UTRN: variants seen among roughly 807,000 people sequenced by gnomAD.
UTRN encodes the protein utrophin, also known as dystrophin-related protein 1.
UTRN carries 283 observed loss-of-function variants against 463.9 expected under a neutral mutation model. The observed-to-expected ratio is 0.61, with a 90% confidence interval of 0.55 to 0.67. The LOEUF is 0.67. UTRN is among the 30% of genes least tolerant of loss of function. The probability of loss-of-function intolerance (pLI) is 0.00; values close to 1 mark genes in which losing one functional copy is unlikely to be tolerated. For missense variants in UTRN, 3,922 were observed against 4,084.3 expected (o/e 0.96, Z 1.08); for synonymous variants, 1,442 against 1,431.5 (o/e 1.01, Z -0.17).
In UTRN at chr6:144,789,210, A is replaced by C. The variant is rs1776552437; in HGVS notation, c.8851A>C (p.Ile2951Leu). Residue 2951 changes from isoleucine (I) to leucine (L), a missense_variant, in exon 62 of 75, where the codon ATT becomes CTT. Coordinates refer to ENST00000367545, the MANE Select transcript of UTRN (RefSeq NM_007124.3). The stretch of plus-strand genomic sequence containing the variant: ...TAATTTTAGGGGTCGAACTGGAAAA[A>C]TTAGAGTGCAGAGTCTGAAGATTGG... ...NVYDTGRTGK[I>L]RVQSLKIGLM... The C allele has an allele frequency of 1.2e-6, 2 of 1,613,338 alleles. No homozygotes were observed. Among genetic ancestry groups the C allele is most frequent in the African/African-American group, 2.7e-5 (2 of 75,024 alleles).
At chr6:144,743,427 A>G (rs1219499807) in intron 54 of UTRN, among the ~76,000 whole-genome samples, 1 of 152,224 alleles carries the variant, frequency 6.6e-6, no homozygotes, top group Non-Finnish European at 1.5e-5. Context: ...ACTCAAAGGA[A>G]GAGTTTTTTT....
intron 54 of UTRN, among the ~76,000 whole-genome samples, chr6:144,746,014 T>C (rs1790701089): frequency 6.6e-6 from 1 of 151,640 alleles, no homozygotes; most frequent in Admixed American, 6.6e-5. Context: ...CTTTTTTTTT[T>C]CCTGAGATGG....
intron 46 of UTRN, among the ~76,000 whole-genome samples, chr6:144,546,857 AAAAC>A (rs1386535511): frequency 1.3e-5 from 2 of 152,200 alleles, no homozygotes; most frequent in African/African-American, 2.4e-5. Context: ...TCTGTTTTCT[AAAAC>A]AAACAAAATC....
At chr6:144,805,919 C>G (rs1778109040) in intron 65 of UTRN, among the ~76,000 whole-genome samples, 1 of 152,024 alleles carries the variant, frequency 6.6e-6, no homozygotes, top group African/African-American at 2.4e-5. Context: ...AGAAAGGCAA[C>G]TATCAGATTG....
intron 65 of UTRN, among the ~76,000 whole-genome samples, chr6:144,813,775 G>T (rs1165306189): frequency 6.6e-6 from 1 of 152,190 alleles, no homozygotes; most frequent in African/African-American, 2.4e-5. Flanking sequence ...ATATTTAATG[G>T]AAAGCTGGCT....
rs117640595 is a variant in UTRN at position 144,763,898 on chromosome 6, G to A, written c.8495+5909G>A. Among the ~76,000 whole-genome samples, 537 of 152,168 alleles carry A rather than the reference G, an allele frequency of 3.5e-3. 2 individuals carry two copies. The highest frequency in any genetic ancestry group is 5.3e-3 in the Non-Finnish European group (357 of 67,990). ...TCTTTATTTCTCCCTTCCCTCTTTC[G>A]TGAAGATGAGGGATGGTATCTTTTT... On this transcript the variant is annotated intron_variant, in intron 58 of 74. Coordinates refer to ENST00000367545, the MANE Select transcript of UTRN (RefSeq NM_007124.3).
rs1791671001 is a variant in UTRN, at chr6:144,479,939, A to G, written c.3464A>G (p.Tyr1155Cys). 6 of 1,614,084 alleles carry G rather than the reference A, an allele frequency of 3.7e-6. No individual in the cohort carries two copies. The highest frequency in any genetic ancestry group is 1.1e-5 in the South Asian group (1 of 91,088). Residue 1155 changes from tyrosine (Y) to cysteine (C), a missense_variant, in exon 26 of 75, where the codon TAC becomes TGC. Physicochemically the swap from Tyr to Cys is radical, Grantham distance 194. This residue lies in a region of UTRN where 2,349 missense variants were observed against 2,303.8 expected (regional missense o/e 1.02). Transcript: ENST00000367545. ...EEEYLERDFE[Y>C]KSPEELESAV... ...GAATATTTGGAGCGGGATTTTGAGTACAAGTCACCAGAAGAGCTTGAGAGT... is the reference window on the plus strand; with the variant it reads ...GAATATTTGGAGCGGGATTTTGAGTGCAAGTCACCAGAAGAGCTTGAGAGT...
At chr6:144,693,266 C>T (rs575570014) in intron 52 of UTRN, among the ~76,000 whole-genome samples, 1 of 152,266 alleles carries the variant, frequency 6.6e-6, no homozygotes, top group South Asian at 2.1e-4. Flanking sequence ...TATTTTTATA[C>T]CAGTACCGTG....
chr6:144,529,584 G>T (rs1436335145), intron 41 of UTRN, among the ~76,000 whole-genome samples: 2 of 152,072 alleles, frequency 1.3e-5, no homozygotes, highest in Non-Finnish European at 2.9e-5. Context: ...TGTGATTGTT[G>T]TGTAGTTATT....
intron 2 of UTRN, among the ~76,000 whole-genome samples, chr6:144,295,140 A>G (rs1227589139): frequency 6.6e-6 from 1 of 152,254 alleles, no homozygotes; most frequent in Non-Finnish European, 1.5e-5. Context: ...GGCCAAGACT[A>G]AGAATTTTTA....
chr6:144,361,210 C>G (rs966448862), intron 2 of UTRN, among the ~76,000 whole-genome samples: 1 of 152,116 alleles, frequency 6.6e-6, no homozygotes, highest in African/African-American at 2.4e-5. Flanking sequence ...GACTTTCCAC[C>G]CACTTTCTTT....
intron 65 of UTRN, among the ~76,000 whole-genome samples, chr6:144,809,960 G>A (rs1778467812): frequency 1.3e-5 from 2 of 152,150 alleles, no homozygotes; most frequent in Non-Finnish European, 2.9e-5. Flanking sequence ...CCTTCATCAG[G>A]AAGAGAAGAC....
chr6:144,368,001 C>A (rs958736358), intron 2 of UTRN, among the ~76,000 whole-genome samples: 1 of 152,090 alleles, frequency 6.6e-6, no homozygotes, highest in Non-Finnish European at 1.5e-5. Flanking sequence ...AGGCCGGTAT[C>A]AAACTCCTGA....
At position 144,438,737 on chromosome 6, in the gene UTRN, A is replaced by G; in HGVS notation, c.1242-8A>G. On this transcript the variant is annotated splice_region_variant and splice_polypyrimidine_tract_variant and intron_variant, in intron 11 of 74. Coordinates refer to ENST00000367545, the MANE Select transcript of UTRN (RefSeq NM_007124.3). ...TTGTAGGAATAATGCTGTGTTCCCC[A>G]CGGACAGGCTGCACGATGTGCTGAT... The G allele has an allele frequency of 6.2e-7, 1 of 1,614,130 alleles. No individual in the cohort carries two copies. The highest frequency in any genetic ancestry group is 8.5e-7 in the Non-Finnish European group (1 of 1,179,988).
At chr6:144,309,998 A>G (rs1293574603) in intron 2 of UTRN, among the ~76,000 whole-genome samples, 2 of 152,150 alleles carry the variant, frequency 1.3e-5, no homozygotes, top group East Asian at 1.9e-4. Flanking sequence ...TCCTTCCCTC[A>G]TTAGCCCTCT....
At chr6:144,351,055 A>C (rs977883619) in intron 2 of UTRN, among the ~76,000 whole-genome samples, 2 of 152,190 alleles carry the variant, frequency 1.3e-5, no homozygotes, top group Non-Finnish European at 2.9e-5. Context: ...TATGAAAAAA[A>C]CCATTTTTTA....
At chr6:144,668,292 A>G (rs996983788) in intron 51 of UTRN, among the ~76,000 whole-genome samples, 2 of 152,154 alleles carry the variant, frequency 1.3e-5, no homozygotes, top group South Asian at 4.1e-4. Context: ...TCTATGGGTG[A>G]TTGAAAAACA....
chr6:144,314,432 G>A (rs1026804373), intron 2 of UTRN, among the ~76,000 whole-genome samples: 4 of 152,200 alleles, frequency 2.6e-5, no homozygotes, highest in Non-Finnish European at 5.9e-5. Context: ...CAGACATCGT[G>A]ACAACTTGTT....
At chr6:144,494,361 G>A (rs962969619) in intron 33 of UTRN, among the ~76,000 whole-genome samples, 21 of 152,086 alleles carry the variant, frequency 1.4e-4, no homozygotes, top group East Asian at 1.3e-3. Context: ...GGAGTTGTTC[G>A]TTCCTCCCAG....
Sources: gnomAD v4.1 joint callset for allele counts (sites outside exome capture counted in the v4.1 genomes callset) on GRCh38, gnomAD v4.1.1 for gene constraint, gnomAD v4.1.1 regional missense constraint, MANE v1.5 for transcripts, NCBI Gene and HGNC (gene_info 2026-07-23, HGNC 2026-07-21) for gene names.